OR10G3: variants seen among roughly 807,000 people sequenced by gnomAD.
The protein encoded by OR10G3 is olfactory receptor 10G3.
In OR10G3, 8 loss-of-function variants were observed where a neutral mutation model predicts 13.4. That is an observed-to-expected ratio of 0.60 (90% CI 0.35 to 1.08). The LOEUF is 1.08. Among genes scored for constraint, OR10G3 ranks in the 50% least tolerant of loss-of-function variants. The pLI, the probability that OR10G3 is intolerant of heterozygous loss-of-function variation, is 0.02. For missense variants in OR10G3, 393 were observed against 386.6 expected, an observed-to-expected ratio of 1.02 and a Z score of -0.14; for synonymous variants, 142 against 156.1, an observed-to-expected ratio of 0.91 and a Z score of 0.67.
intron 1 of OR10G3, among the ~76,000 whole-genome samples, chr14:21,573,701 G>C (rs1436010451): frequency 6.6e-6 from 1 of 151,264 alleles, no homozygotes; most frequent in Non-Finnish European, 1.5e-5. Context: ...GTTTCAGTTA[G>C]ACAGGAAAAG....
Position 21,570,034 on chromosome 14 carries a change from C to T in OR10G3, c.711G>A (p.Arg237=). 1.2e-6 allele frequency: 2 copies of T among 1,614,184 alleles called. No individual in the cohort carries two copies. Among genetic ancestry groups the T allele is most frequent in the Non-Finnish European group, 1.7e-6 (2 of 1,180,046 alleles). The part of the protein sequence containing the change: ...LRIHTADGRR[R]AFSTCGAHVT... The stretch of plus-strand genomic sequence containing the variant: ...CATGGGCTCCACAAGTTGAAAAAGC[C>T]CGGCGCCGCCCATCAGCTGTGTGGA... Residue 237 remains arginine, a synonymous_variant, in exon 2 of 2, where the codon CGG becomes CGA. Coordinates refer to ENST00000641040, the MANE Select transcript of OR10G3 (RefSeq NM_001005465.2).
At chr14:21,579,067 G>A (rs547817697) in intron 1 of OR10G3, among the ~76,000 whole-genome samples, 12 of 152,316 alleles carry the variant, frequency 7.9e-5, no homozygotes, top group Admixed American at 5.2e-4. Flanking sequence ...AAAGAACAGA[G>A]CAAGGGTGGC....
At chr14:21,574,973 C>G (rs572137344) in intron 1 of OR10G3, 1 of 152,236 alleles carries the variant, frequency 6.6e-6, no homozygotes, top group African/African-American at 2.4e-5. Context: ...AAAGCCAACT[C>G]CTCTGGGTTT....
Position 21,569,609 on chromosome 14 carries a change from C to T in OR10G3, c.*194G>A, listed in dbSNP as rs1893039612. 1 of 559,884 alleles carries T rather than the reference C, an allele frequency of 1.8e-6. No homozygotes were observed. Among genetic ancestry groups the T allele is most frequent in the Non-Finnish European group, 3.1e-6 (1 of 320,050 alleles). The allele number at this position is 559,884 out of a possible 1,614,324, so 34.7% of individuals were successfully genotyped here. On this transcript the variant is annotated 3_prime_UTR_variant, in exon 2 of 2. Coordinates refer to ENST00000641040, the MANE Select transcript of OR10G3 (RefSeq NM_001005465.2). ...AATTTGGTCTCATTCTCTACTCTTG[C>T]AGTGGCTGAGAGTTATCTTGAGAGG...
intron 1 of OR10G3, among the ~76,000 whole-genome samples, chr14:21,575,963 C>A (rs907827841): frequency 6.6e-6 from 1 of 152,218 alleles, no homozygotes; most frequent in African/African-American, 2.4e-5. Flanking sequence ...CTCCTCCCCG[C>A]GTTCCTTGAC....
chr14:21,579,238 T>A (rs1876834548), intron 1 of OR10G3, among the ~76,000 whole-genome samples: 1 of 81,226 alleles, frequency 1.2e-5, no homozygotes, highest in Non-Finnish European at 3.1e-5. Flanking sequence ...ATTTTTTAAT[T>A]TTTTTAATTT....
Position 21,570,412 on chromosome 14 carries a change from G to A in OR10G3, c.333C>T (p.Thr111=), listed in dbSNP as rs1263405688. 2 of 1,614,104 alleles carry A rather than the reference G, an allele frequency of 1.2e-6. No homozygotes were observed. The highest frequency in any genetic ancestry group is 1.3e-5 in the African/African-American group (1 of 75,010). The change falls in exon 2 of 2, where the codon ACC becomes ACT. Residue 111 remains threonine, a synonymous_variant. Transcript: ENST00000641040. The stretch of plus-strand genomic sequence containing the variant: ...CCATTAGGGTGTAGAGGAAGCACTG[G>A]GTGCTGCCCAGGAAGTGATAGAAAT... ...QLYFYHFLGS[T]QCFLYTLMAY... is the part of the protein sequence containing the mutation.
At chr14:21,576,860 GGGA>G (rs1205769882) in intron 1 of OR10G3, among the ~76,000 whole-genome samples, 1 of 152,214 alleles carries the variant, frequency 6.6e-6, no homozygotes, top group Non-Finnish European at 1.5e-5. Context: ...CCATCTTAAA[GGGA>G]GGAATGAGAG....
chr14:21,571,097 T>G (rs1349241260), intron 1 of OR10G3, among the ~76,000 whole-genome samples: 1 of 152,218 alleles, frequency 6.6e-6, no homozygotes, highest in African/African-American at 2.4e-5. Context: ...TTAGAGCACT[T>G]TTTCCAATAA....
intron 1 of OR10G3, among the ~76,000 whole-genome samples, chr14:21,577,979 G>T (rs1045345270): frequency 6.6e-6 from 1 of 151,978 alleles, no homozygotes; most frequent in Admixed American, 6.6e-5. Flanking sequence ...TCCAGTCTGG[G>T]CAACAAGAGC....
At chr14:21,576,537 A>C (rs1350609043) in intron 1 of OR10G3, among the ~76,000 whole-genome samples, 1 of 152,228 alleles carries the variant, frequency 6.6e-6, no homozygotes, top group Non-Finnish European at 1.5e-5. Flanking sequence ...ACGAAGATAC[A>C]TCAACAAAGT....
intron 1 of OR10G3, among the ~76,000 whole-genome samples, chr14:21,571,701 A>G (rs545184656): frequency 5.3e-5 from 8 of 151,446 alleles, no homozygotes; most frequent in African/African-American, 1.7e-4. Flanking sequence ...TTTGAGACAG[A>G]GTTCTCTCTG....
rs576241680 is a variant in OR10G3, at chr14:21,578,486, T to C, written c.-18+1300A>G. Among the ~76,000 whole-genome samples the C allele has an allele frequency of 2.2e-4, 34 of 152,094 alleles. 1 individual carries two copies. The Middle Eastern group carries it at 0.014, about 61-fold the overall frequency. ...AGTACATGAATGTTTGAAAAATATA[T>C]GAGAAATATTAGGGGACCACAAACT... On this transcript the variant is annotated intron_variant, in intron 1 of 1. Coordinates refer to ENST00000641040, the MANE Select transcript of OR10G3 (RefSeq NM_001005465.2).
rs201682835 is a variant in OR10G3 at position 21,569,886 on chromosome 14, G to C, written c.859C>G (p.Leu287Val). ...PTAITPFLNPLIYTLRNQEVK... is the reference protein window; with the variant it reads ...PTAITPFLNPVIYTLRNQEVK... ...TCTTGGTTCCGCAGAGTGTAGATAA[G>C]GGGGTTGAGGAAAGGAGTGATGGCC... is the stretch of plus-strand genomic sequence containing the variant. Residue 287 changes from leucine to valine, a missense_variant, in exon 2 of 2, where the codon CTT becomes GTT. Transcript: ENST00000641040. 7.5e-6 allele frequency: 12 copies of C among 1,596,876 alleles called. No individual in the cohort carries two copies. The African/African-American group carries it at 1.4e-4, about 18-fold the overall frequency.
chr14:21,579,130 G>A (rs1360438597), intron 1 of OR10G3, among the ~76,000 whole-genome samples: 1 of 152,230 alleles, frequency 6.6e-6, no homozygotes, highest in African/African-American at 2.4e-5. Flanking sequence ...ATTAAAACCA[G>A]TGAATGGACT....
intron 1 of OR10G3, among the ~76,000 whole-genome samples, chr14:21,572,171 A>G (rs1448866685): frequency 1.3e-5 from 2 of 151,030 alleles, no homozygotes; most frequent in African/African-American, 4.9e-5. Context: ...GGGCACCTAT[A>G]ATCCCAGCTA....
intron 1 of OR10G3, among the ~76,000 whole-genome samples, chr14:21,574,672 G>C (rs1202240931): frequency 6.6e-6 from 1 of 152,218 alleles, no homozygotes; most frequent in Non-Finnish European, 1.5e-5. Flanking sequence ...CTGGGACTGG[G>C]TGTGGTGGCT....
chr14:21,570,845 C>A (rs896140479), intron 1 of OR10G3, 84 bp from the exon 2 acceptor site: 6 of 736,526 alleles, frequency 8.1e-6, no homozygotes, highest in Non-Finnish European at 1.3e-5. Flanking sequence ...AAACTAGGGG[C>A]AGTGGCAGAG....
intron 1 of OR10G3, among the ~76,000 whole-genome samples, chr14:21,573,509 C>T (rs1334101233): frequency 7.9e-6 from 1 of 127,068 alleles, no homozygotes; most frequent in East Asian, 1.9e-4. Flanking sequence ...CCTGTCCTTG[C>T]TAAAATAAAA....
Sources: allele counts gnomAD v4.1 joint callset (sites outside exome capture counted in the v4.1 genomes callset), GRCh38; gene constraint gnomAD v4.1.1; transcripts MANE v1.5; gene names NCBI Gene and HGNC (gene_info 2026-07-23, HGNC 2026-07-21).